The following MCM4 variants were observed in gnomAD, a reference collection of about 807,000 sequenced individuals.
MCM4 encodes the protein DNA replication licensing factor MCM4.
Under a neutral mutation model 88.7 loss-of-function variants are expected in MCM4, and 60 were observed. The observed-to-expected ratio is 0.68, with a 90% CI of 0.55 to 0.84. The LOEUF (loss-of-function observed/expected upper bound fraction) is 0.84. MCM4 is among the 40% of genes least tolerant of loss of function. MCM4 has a pLI of 0.00. For synonymous variants in MCM4, 465 were observed against 410.5 expected (o/e 1.13, Z -1.61); for missense variants, 1,149 against 1,105.5 (o/e 1.04, Z -0.56).
chr8:47,975,669 AT>A (rs1207117056), intron 15 of MCM4, 45 bp from the exon 16 acceptor site: 7 of 1,449,660 alleles, frequency 4.8e-6, no homozygotes, highest in Admixed American at 5.4e-5. Context: ...GAAGCATTTC[AT>A]TTCATAATAG....
intron 11 of MCM4, 125 bp downstream of exon 11, chr8:47,970,182 T>A (rs1260110949): frequency 2.0e-5 from 22 of 1,117,434 alleles, no homozygotes; most frequent in Non-Finnish European, 2.6e-5. Context: ...TTAGAGCAAG[T>A]GCTGGCAACC....
At chr8:47,974,711 T>G in intron 14 of MCM4, 23 bp from the exon 15 acceptor site, 1 of 1,597,438 alleles carries the variant, frequency 6.3e-7, no homozygotes, top group Non-Finnish European at 8.6e-7. Flanking sequence ...TTGCTTTTGC[T>G]TTTGTTTTTC....
chr8:47,961,333 C>T, intron 2 of MCM4, 119 bp downstream of exon 2: 1 of 1,454,756 alleles, frequency 6.9e-7, no homozygotes, highest in Admixed American at 2.6e-5. Flanking sequence ...GGGCTGGGCG[C>T]TGCCGCTTGG....
chr8:47,961,862 G>C, intron 3 of MCM4, 182 bp downstream of exon 3: 1 of 935,022 alleles, frequency 1.1e-6, no homozygotes, highest in Non-Finnish European at 1.6e-6. Flanking sequence ...TTAGGGCTTA[G>C]TGAGCAGAGG....
intron 3 of MCM4, 146 bp downstream of exon 3, chr8:47,961,826 T>A: frequency 8.8e-7 from 1 of 1,132,578 alleles, no homozygotes; most frequent in Non-Finnish European, 1.2e-6. Context: ...CCAGAGGAGC[T>A]GAACGGAGTG....
At position 47,970,001 on chromosome 8, in the gene MCM4, G is replaced by A. The variant is rs148209200; in HGVS notation, c.1378G>A (p.Glu460Lys). 415 of 1,614,108 alleles carry A rather than the reference G, an allele frequency of 2.6e-4. No homozygotes were observed. Among genetic ancestry groups the A allele is most frequent in the Non-Finnish European group, 3.2e-4 (381 of 1,180,042 alleles). The change falls in exon 11 of 17, where the codon GAG becomes AAG. Residue 460 changes from glutamate to lysine, a missense_variant. Transcript: ENST00000649973. Reference sequence around the variant, plus strand: ...ACTTTCCAGGAAACCAGACATTTATGAGAGGCTTGCTTCAGCCTTGGCTCC... The same window carrying A: ...ACTTTCCAGGAAACCAGACATTTATAAGAGGCTTGCTTCAGCCTTGGCTCC... ...KELSRKPDIY[E>K]RLASALAPSI...
In MCM4 at chr8:47,966,424, GC is replaced by G; in HGVS notation, c.1053+23del. ...AAGCAGATGGTGCGCAGCCACCCTG[GC>G]CCCCCAGGCTATGCTTTGCCTGTCT... On this transcript the variant is annotated intron_variant, in intron 9 of 16. Coordinates refer to ENST00000649973, the MANE Select transcript of MCM4 (RefSeq NM_182746.3). The G allele has an allele frequency of 2.5e-6, 4 of 1,590,208 alleles. No individual in the cohort carries two copies. Among genetic ancestry groups the G allele is most frequent in the Non-Finnish European group, 3.4e-6 (4 of 1,166,326 alleles).
At chr8:47,961,483 A>G (rs201779320) in intron 2 of MCM4, 33 bp from the exon 3 acceptor site, 2 of 1,612,892 alleles carry the variant, frequency 1.2e-6, no homozygotes, top group African/African-American at 1.3e-5. Flanking sequence ...CCTGAAAGTT[A>G]ATGGCTGTCT....
chr8:47,964,986 C>T (rs888137857), intron 8 of MCM4, among the ~76,000 whole-genome samples: 1 of 151,656 alleles, frequency 6.6e-6, no homozygotes, highest in Admixed American at 6.6e-5. Flanking sequence ...GAGGCCGAGG[C>T]AGGCGGATCA....
intron 16 of MCM4, 124 bp from the exon 17 acceptor site, chr8:47,976,562 T>C (rs2091002239): frequency 1.6e-6 from 1 of 624,578 alleles, no homozygotes; most frequent in South Asian, 1.8e-5. Context: ...GCATAAGGCA[T>C]GTGTACAGCC....
intron 3 of MCM4, 47 bp downstream of exon 3, chr8:47,961,727 A>T (rs764949565): frequency 8.3e-6 from 13 of 1,557,164 alleles, no homozygotes; most frequent in Admixed American, 1.9e-5. Flanking sequence ...TACACAGCTG[A>T]TGCTTTATCT....
At chr8:47,971,746 G>A (rs566594730) in intron 13 of MCM4, among the ~76,000 whole-genome samples, 18 of 152,250 alleles carry the variant, frequency 1.2e-4, no homozygotes, top group African/African-American at 4.1e-4. Context: ...GAACAATTCC[G>A]TACAGTAGAT....
At chr8:47,976,341 T>C (rs191018220) in intron 16 of MCM4, among the ~76,000 whole-genome samples, 2 of 152,174 alleles carry the variant, frequency 1.3e-5, no homozygotes, top group East Asian at 3.9e-4. Context: ...ATAGTTGTTA[T>C]AAGTTTGCTT....
Position 47,967,384 on chromosome 8 carries a change from CG to C in MCM4, c.1075del (p.Glu359LysfsTer30), listed in dbSNP as rs1563832910. ...DKQMIKLQES[P>X]EDMPAGQTPH... is the part of the protein sequence containing the mutation. Reference sequence around the variant, plus strand: ...CTTCAGATCAAGCTTCAGGAGTCTCCGGAAGACATGCCTGCAGGGCAGACAC... The same window carrying C: ...CTTCAGATCAAGCTTCAGGAGTCTCCGAAGACATGCCTGCAGGGCAGACAC... On this transcript the variant is annotated frameshift_variant, in exon 10 of 17. Transcript: ENST00000649973. LOFTEE classifies it high-confidence loss of function. The C allele has an allele frequency of 6.2e-7, 1 of 1,614,174 alleles. No homozygotes were observed. Among genetic ancestry groups the C allele is most frequent in the Admixed American group, 1.7e-5 (1 of 60,016 alleles).
In MCM4 at chr8:47,975,023, A is replaced by G. The variant is rs910459391; in HGVS notation, c.2365+61A>G. 3.0e-6 allele frequency: 4 copies of G among 1,314,960 alleles called. No homozygotes were observed. In the African/African-American group the frequency reaches 5.9e-5, roughly 19 times the overall value. The allele number at this position is 1,314,960 out of a possible 1,614,324, so 81.5% of individuals were successfully genotyped here. A position where few individuals can be genotyped will look rare whatever the true frequency, so the allele number is the denominator to read the frequency against. ...AATTATTTCAATATGCATGTAGTTT[A>G]TATGTCAGATTTAAGCTAACAGTTA... On this transcript the variant is annotated intron_variant, in intron 15 of 16. Coordinates refer to ENST00000649973, the MANE Select transcript of MCM4 (RefSeq NM_182746.3).
intron 10 of MCM4, among the ~76,000 whole-genome samples, chr8:47,967,956 A>C (rs2090915084): frequency 6.6e-6 from 1 of 152,242 alleles, no homozygotes. Context: ...GAGAAAAATG[A>C]GTCAGTGACT....
At chr8:47,969,690 C>G in intron 10 of MCM4, 108 bp from the exon 11 acceptor site, 1 of 1,137,372 alleles carries the variant, frequency 8.8e-7, no homozygotes, top group Non-Finnish European at 1.3e-6. Flanking sequence ...CAGGGCCAGC[C>G]CGACGTGGTG....
chr8:47,968,229 GCTC>G (rs981822884), intron 10 of MCM4, among the ~76,000 whole-genome samples: 1 of 152,214 alleles, frequency 6.6e-6, no homozygotes, highest in African/African-American at 2.4e-5. Flanking sequence ...GCCTGAATCT[GCTC>G]CTGAGCGGAG....
chr8:47,974,699 G>A (rs1589834559), intron 14 of MCM4, 35 bp from the exon 15 acceptor site: 4 of 1,560,092 alleles, frequency 2.6e-6, no homozygotes, highest in South Asian at 2.2e-5. Context: ...CACCAAGGAG[G>A]TTTGCTTTTG....
Sources: gnomAD v4.1 joint callset for allele counts (sites outside exome capture counted in the v4.1 genomes callset) on GRCh38, gnomAD v4.1.1 for gene constraint, MANE v1.5 for transcripts, NCBI Gene and HGNC (gene_info 2026-07-23, HGNC 2026-07-21) for gene names.